Variants in FMN1 observed in about 807,000 individuals in gnomAD.
FMN1 encodes the protein formin 1, also known as formin-1.
Under a neutral mutation model 132.4 loss-of-function variants are expected in FMN1, and 110 were observed. That is an observed-to-expected ratio of 0.83 (90% CI 0.71 to 0.97). FMN1 has a LOEUF of 0.97. FMN1 is among the 50% of genes least tolerant of loss of function. The probability of loss-of-function intolerance (pLI) is 0.00; values close to 1 mark genes in which losing one functional copy is unlikely to be tolerated. For synonymous variants in FMN1, 722 were observed against 651.7 expected, an observed-to-expected ratio of 1.11 and a Z score of -1.64; for missense variants, 1,792 against 1,705.3, an observed-to-expected ratio of 1.05 and a Z score of -0.90.
intron 9 of FMN1, among the ~76,000 whole-genome samples, chr15:32,955,694 C>G: frequency 6.6e-6 from 1 of 152,150 alleles, no homozygotes; most frequent in Non-Finnish European, 1.5e-5. Context: ...TCTCTCATAG[C>G]ATATCCTGTA....
intron 17 of FMN1, among the ~76,000 whole-genome samples, chr15:32,818,155 G>C (rs1595998901): frequency 6.6e-6 from 1 of 152,188 alleles, no homozygotes; most frequent in East Asian, 1.9e-4. Flanking sequence ...TAGTTATATA[G>C]TTGAAATTAT....
intron 9 of FMN1, among the ~76,000 whole-genome samples, chr15:32,933,503 G>C (rs2061176012): frequency 6.6e-6 from 1 of 152,116 alleles, no homozygotes; most frequent in Non-Finnish European, 1.5e-5. Flanking sequence ...ATATAGTGTT[G>C]CTCAAGTCCT....
intron 4 of FMN1, among the ~76,000 whole-genome samples, chr15:33,122,943 T>C (rs937067000): frequency 2.6e-5 from 4 of 152,126 alleles, no homozygotes; most frequent in Non-Finnish European, 5.9e-5. Flanking sequence ...AAATGCTTTA[T>C]ATATACATGG....
intron 9 of FMN1, among the ~76,000 whole-genome samples, chr15:32,936,013 G>A (rs1454105230): frequency 2.6e-5 from 4 of 152,024 alleles, no homozygotes; most frequent in Non-Finnish European, 5.9e-5. Flanking sequence ...GCTTCATTAA[G>A]TCTGCTACTG....
chr15:32,943,182 C>T (rs1261058899), intron 9 of FMN1, among the ~76,000 whole-genome samples: 3 of 152,134 alleles, frequency 2.0e-5, no homozygotes, highest in African/African-American at 4.8e-5. Context: ...AAGGGATACT[C>T]GACCTGTATA....
At chr15:32,847,279 T>C (rs1432431893) in intron 17 of FMN1, among the ~76,000 whole-genome samples, 1 of 93,086 alleles carries the variant, frequency 1.1e-5, no homozygotes, top group Non-Finnish European at 2.5e-5. Flanking sequence ...TAGGGGTGTG[T>C]GTGTGTGTAT....
At chr15:32,813,406 C>T (rs2057953195) in intron 17 of FMN1, among the ~76,000 whole-genome samples, 1 of 152,180 alleles carries the variant, frequency 6.6e-6, no homozygotes, top group East Asian at 1.9e-4. Flanking sequence ...CACACTTTTT[C>T]AGAAGTAAAC....
At chr15:32,883,509 C>CAAAAAAAAAAAAAAAAA (rs60737133) in intron 16 of FMN1, among the ~76,000 whole-genome samples, 1 of 25,920 alleles carries the variant, frequency 3.9e-5, no homozygotes, top group African/African-American at 1.3e-4. Flanking sequence ...GAACCTATCT[C>CAAAAAAAAAAAAAAAAA]AAAAAAAAAA....
intron 9 of FMN1, among the ~76,000 whole-genome samples, chr15:32,931,242 T>A (rs2061108370): frequency 6.6e-6 from 1 of 152,196 alleles, no homozygotes; most frequent in Non-Finnish European, 1.5e-5. Flanking sequence ...CACTGGGATT[T>A]TAAGAGGAAC....
At chr15:33,010,213 C>A (rs2034637287) in intron 6 of FMN1, among the ~76,000 whole-genome samples, 1 of 152,008 alleles carries the variant, frequency 6.6e-6, no homozygotes, top group African/African-American at 2.4e-5. Flanking sequence ...CTCAGAAGGC[C>A]AACCACTGTT....
At chr15:33,100,308 T>A (rs1595469980) in intron 4 of FMN1, among the ~76,000 whole-genome samples, 1 of 151,126 alleles carries the variant, frequency 6.6e-6, no homozygotes, top group African/African-American at 2.4e-5. Flanking sequence ...AATAAATGAA[T>A]GTCCTCATAT....
intron 9 of FMN1, among the ~76,000 whole-genome samples, chr15:32,942,190 C>T (rs2061416165): frequency 6.6e-6 from 1 of 152,222 alleles, no homozygotes; most frequent in African/African-American, 2.4e-5. Flanking sequence ...GGCAGGCCCA[C>T]ACTGTCTAAA....
At chr15:32,781,115 TTCTA>T (rs2056648593) in intron 19 of FMN1, among the ~76,000 whole-genome samples, 1 of 152,202 alleles carries the variant, frequency 6.6e-6, no homozygotes, top group Non-Finnish European at 1.5e-5. Flanking sequence ...ATAGTTATAA[TTCTA>T]GGTAGTGGGA....
chr15:32,792,809 T>C (rs2057136255), intron 19 of FMN1, among the ~76,000 whole-genome samples: 2 of 152,198 alleles, frequency 1.3e-5, no homozygotes, highest in African/African-American at 2.4e-5. Flanking sequence ...GCAGTAGACC[T>C]GACGTGTGCC....
At chr15:32,810,678 A>G (rs1352566112) in intron 17 of FMN1, among the ~76,000 whole-genome samples, 2 of 152,226 alleles carry the variant, frequency 1.3e-5, no homozygotes, top group South Asian at 2.1e-4. Context: ...AGAGTGGCTG[A>G]AGGAGGAGGC....
chr15:33,002,740 A>C (rs2034189880), intron 7 of FMN1, among the ~76,000 whole-genome samples: 1 of 150,612 alleles, frequency 6.6e-6, no homozygotes, highest in Non-Finnish European at 1.5e-5. Flanking sequence ...TTTTATATAA[A>C]AATCTCCATA....
chr15:32,917,498 A>G (rs1406397455), intron 10 of FMN1, among the ~76,000 whole-genome samples: 1 of 152,232 alleles, frequency 6.6e-6, no homozygotes, highest in East Asian at 1.9e-4. Context: ...TTAATACTTA[A>G]TAACTGATAG....
chr15:32,875,462 A>G (rs532281856), intron 16 of FMN1, among the ~76,000 whole-genome samples: 1 of 152,308 alleles, frequency 6.6e-6, no homozygotes, highest in South Asian at 2.1e-4. Flanking sequence ...GAAAAGGCCT[A>G]CCAGGTGGTT....
chr15:33,173,498 C>T (rs1436175695), intron 3 of FMN1, among the ~76,000 whole-genome samples: 1 of 152,248 alleles, frequency 6.6e-6, no homozygotes, highest in Non-Finnish European at 1.5e-5. Context: ...CCTAAGAACT[C>T]AAAATGGTCA....
Sources: gnomAD v4.1 joint callset for allele counts (sites outside exome capture counted in the v4.1 genomes callset) on GRCh38, gnomAD v4.1.1 for gene constraint, MANE v1.5 for transcripts, NCBI Gene and HGNC (gene_info 2026-07-23, HGNC 2026-07-21) for gene names.